The following ROBO2 variants were observed in gnomAD, a reference collection of about 807,000 sequenced individuals.
ROBO2 encodes the protein roundabout guidance receptor 2.
A neutral mutation model predicts 160.8 loss-of-function variants in ROBO2; 53 were observed. The ratio of observed to expected loss-of-function variants is 0.33; its 90% CI spans 0.26 to 0.41. The LOEUF is 0.41. ROBO2 is among the 10% of genes least tolerant of loss of function. The pLI, the probability that ROBO2 is intolerant of heterozygous loss-of-function variation, is 1.00. For synonymous variants in ROBO2, 664 were observed against 611.7 expected, an observed-to-expected ratio of 1.09 and a Z score of -1.26; for missense variants, 1,577 against 1,722.4, an observed-to-expected ratio of 0.92 and a Z score of 1.49.
chr3:76,467,698 T>C (rs1338376133), intron 2 of ROBO2, among the ~76,000 whole-genome samples: 1 of 151,792 alleles, frequency 6.6e-6, no homozygotes, highest in Non-Finnish European at 1.5e-5. Flanking sequence ...TACTGGGCTT[T>C]ATGTGAACTG....
chr3:76,628,729 A>G (rs898919335), intron 2 of ROBO2, among the ~76,000 whole-genome samples: 5 of 152,104 alleles, frequency 3.3e-5, no homozygotes, highest in African/African-American at 1.2e-4. Context: ...GATGAAATGT[A>G]TTTGTTTTGT....
chr3:76,752,841 G>A (rs1449697387), intron 2 of ROBO2, among the ~76,000 whole-genome samples: 6 of 151,694 alleles, frequency 4.0e-5, no homozygotes, highest in Non-Finnish European at 8.8e-5. Context: ...AAGGCTTTAG[G>A]GACTTTTTTG....
chr3:76,013,367 G>T (rs1375782501), intron 2 of ROBO2, among the ~76,000 whole-genome samples: 3 of 140,394 alleles, frequency 2.1e-5, no homozygotes, highest in Non-Finnish European at 4.5e-5. Flanking sequence ...AATCCCAGAA[G>T]TGGTATATAT....
chr3:76,382,033 G>A (rs1371685271), intron 2 of ROBO2, among the ~76,000 whole-genome samples: 1 of 152,050 alleles, frequency 6.6e-6, no homozygotes, highest in East Asian at 1.9e-4. Context: ...AGGCTGCAGT[G>A]TACTCATGGC....
chr3:77,158,462 GAGAC>G (rs1489537151), intron 2 of ROBO2, among the ~76,000 whole-genome samples: 2 of 152,080 alleles, frequency 1.3e-5, no homozygotes, highest in Admixed American at 6.6e-5. Context: ...CTGCAGGAAG[GAGAC>G]AGTTGAATTC....
chr3:77,379,818 T>C (rs1249442501), intron 2 of ROBO2, among the ~76,000 whole-genome samples: 10 of 152,144 alleles, frequency 6.6e-5, no homozygotes, highest in Admixed American at 6.5e-4. Flanking sequence ...CTAGCCTTGG[T>C]GCTCCCACTC....
intron 2 of ROBO2, among the ~76,000 whole-genome samples, chr3:75,997,259 C>A (rs923015776): frequency 6.6e-6 from 1 of 152,072 alleles, no homozygotes; most frequent in East Asian, 1.9e-4. Context: ...TGGTACAGTT[C>A]GAAAATATCA....
At chr3:76,073,079 T>G (rs1177670880) in intron 2 of ROBO2, among the ~76,000 whole-genome samples, 1 of 152,050 alleles carries the variant, frequency 6.6e-6, no homozygotes, top group Non-Finnish European at 1.5e-5. Context: ...AATGTTGGAA[T>G]GAAGGTGAGT....
intron 2 of ROBO2, among the ~76,000 whole-genome samples, chr3:76,426,921 G>A (rs753466101): frequency 2.0e-5 from 3 of 152,152 alleles, no homozygotes; most frequent in South Asian, 4.1e-4. Context: ...GTTACTCTTC[G>A]TGATGGTGAG....
intron 2 of ROBO2, among the ~76,000 whole-genome samples, chr3:76,913,760 G>A (rs913887082): frequency 2.0e-5 from 3 of 152,142 alleles, no homozygotes; most frequent in Non-Finnish European, 2.9e-5. Flanking sequence ...ATGAGTAACT[G>A]TGAATAATAC....
chr3:76,761,796 AC>A lies in ROBO2; in HGVS notation c.110-336216del, dbSNP rs762436801. Among the ~76,000 whole-genome samples, 148 of 151,602 alleles carry A rather than the reference AC, an allele frequency of 9.8e-4. 1 individual carries two copies. Among genetic ancestry groups the A allele is most frequent in the Non-Finnish European group, 1.5e-3 (104 of 67,746 alleles). On this transcript the variant is annotated intron_variant, in intron 2 of 26. Transcript: ENST00000487694. Reference sequence around the variant, plus strand: ...TAGAATATTGGGTGGCTGAGTTTTGACCTTGGGATATTTAACTTTCTAAGGC... The same window carrying A: ...TAGAATATTGGGTGGCTGAGTTTTGACTTGGGATATTTAACTTTCTAAGGC...
At chr3:77,238,964 A>C (rs2088521312) in intron 2 of ROBO2, among the ~76,000 whole-genome samples, 1 of 152,074 alleles carries the variant, frequency 6.6e-6, no homozygotes, top group South Asian at 2.1e-4. Context: ...TGGTTCCAGG[A>C]CCGCCCACCT....
chr3:77,311,484 C>A (rs1250500194), intron 2 of ROBO2, among the ~76,000 whole-genome samples: 1 of 152,168 alleles, frequency 6.6e-6, no homozygotes, highest in African/African-American at 2.4e-5. Context: ...ATGCTAAGTT[C>A]ATCATATCAT....
intron 2 of ROBO2, among the ~76,000 whole-genome samples, chr3:77,164,641 C>G (rs980411211): frequency 1.9e-5 from 2 of 104,610 alleles, no homozygotes; most frequent in Non-Finnish European, 3.9e-5. Context: ...CCCGGCCAGC[C>G]GCCCCGTCCG....
chr3:77,550,151 T>G (rs2092861115), intron 7 of ROBO2, among the ~76,000 whole-genome samples: 1 of 152,054 alleles, frequency 6.6e-6, no homozygotes, highest in Non-Finnish European at 1.5e-5. Flanking sequence ...GAAAGTAATA[T>G]TATGAAATTG....
At chr3:77,170,096 C>T (rs2150733677) in intron 2 of ROBO2, among the ~76,000 whole-genome samples, 1 of 152,280 alleles carries the variant, frequency 6.6e-6, no homozygotes, top group East Asian at 1.9e-4. Flanking sequence ...TGACACCTGT[C>T]ACCTTTTAAA....
chr3:76,569,268 C>T (rs748985622), intron 2 of ROBO2, among the ~76,000 whole-genome samples: 9 of 152,024 alleles, frequency 5.9e-5, no homozygotes, highest in Non-Finnish European at 1.3e-4. Flanking sequence ...ATAAGGGATG[C>T]ATATACTAGA....
At chr3:76,747,920 T>A (rs2108167241) in intron 2 of ROBO2, among the ~76,000 whole-genome samples, 1 of 152,164 alleles carries the variant, frequency 6.6e-6, no homozygotes, top group African/African-American at 2.4e-5. Context: ...TGTATAAATT[T>A]CATTTAATAT....
intron 2 of ROBO2, among the ~76,000 whole-genome samples, chr3:76,584,568 G>A (rs2085913212): frequency 2.0e-5 from 3 of 152,230 alleles, no homozygotes; most frequent in Admixed American, 6.5e-5. Context: ...CAAAAAGGGA[G>A]GCTTGGTGAG....
Sources: gnomAD v4.1 joint callset for allele counts (sites outside exome capture counted in the v4.1 genomes callset) on GRCh38, gnomAD v4.1.1 for gene constraint, MANE v1.5 for transcripts, NCBI Gene and HGNC (gene_info 2026-07-23, HGNC 2026-07-21) for gene names.